Variants in SRFBP1 observed in about 807,000 individuals in gnomAD.
SRFBP1 encodes the protein serum response factor-binding protein 1.
SRFBP1 carries 47 observed loss-of-function variants against 45.5 expected under a neutral mutation model. The ratio of observed to expected loss-of-function variants is 1.03; its 90% CI spans 0.82 to 1.32. The LOEUF is 1.32. Ranked by LOEUF, SRFBP1 falls within the 40% of genes most tolerant of loss-of-function variation. The pLI is 0.00. For synonymous variants in SRFBP1, 203 were observed against 166.3 expected (o/e 1.22, Z -1.70); for missense variants, 621 against 484.6 (o/e 1.28, Z -2.64).
At position 122,020,545 on chromosome 5, in the gene SRFBP1, C is replaced by T; in HGVS notation, c.810C>T (p.Tyr270=). ...ATGATAGCACAGAAGAAAGGTTTTA[C>T]AAGCAGTCTTCCATGTCTGAAGATA... ...YFDDSTEERF[Y]KQSSMSEDSD... The change falls in exon 6 of 8, where the codon TAC becomes TAT. Residue 270 remains tyrosine, a synonymous_variant. Coordinates refer to ENST00000339397, the MANE Select transcript of SRFBP1 (RefSeq NM_152546.3). The T allele has an allele frequency of 1.2e-6, 2 of 1,614,130 alleles. No individual in the cohort carries two copies.
At chr5:122,018,200 T>C (rs148598942) in intron 4 of SRFBP1, among the ~76,000 whole-genome samples, 1 of 152,284 alleles carries the variant, frequency 6.6e-6, no homozygotes, top group African/African-American at 2.4e-5. Flanking sequence ...AGAACAGATA[T>C]GGAAATAGCA....
At chr5:121,995,672 C>G (rs1752708959) in intron 4 of SRFBP1, among the ~76,000 whole-genome samples, 1 of 152,042 alleles carries the variant, frequency 6.6e-6, no homozygotes. Context: ...CAGAGCAGAA[C>G]TCAAGGAAAT....
intron 2 of SRFBP1, among the ~76,000 whole-genome samples, chr5:122,033,820 T>G (rs1753630786): frequency 8.8e-6 from 1 of 113,356 alleles, no homozygotes; most frequent in Admixed American, 8.2e-5. Flanking sequence ...TTATTTTCAG[T>G]TTTTTTTTTT....
chr5:121,975,218 T>C (rs1256022324), intron 2 of SRFBP1, 97 bp from the exon 3 acceptor site: 2 of 1,264,124 alleles, frequency 1.6e-6, no homozygotes, highest in Admixed American at 1.8e-5. Context: ...AGAGATTTAT[T>C]ACGCTTTTCT....
At chr5:121,973,025 T>C (rs1454058457) in intron 1 of SRFBP1, among the ~76,000 whole-genome samples, 1 of 151,850 alleles carries the variant, frequency 6.6e-6, no homozygotes, top group Non-Finnish European at 1.5e-5. Flanking sequence ...ACATGAAGGG[T>C]AAGAGAAGAT....
Position 122,047,129 on chromosome 5 carries a change from T to A in SRFBP1, n.311+24722T>A, listed in dbSNP as rs549252913. Among the ~76,000 whole-genome samples the A allele has an allele frequency of 9.2e-5, 14 of 152,372 alleles. No homozygotes were observed. The South Asian group carries it at 2.7e-3, about 29-fold the overall frequency. On this transcript the variant is annotated intron_variant and non_coding_transcript_variant, in intron 2 of 2. Transcript: ENST00000504881. ...GACATGAAGTCCTTGCCCATGCCTA[T>A]GTCCTGAATGGTATTGCCTAGGTTC...
intron 3 of SRFBP1, 39 bp from the exon 4 acceptor site, chr5:121,994,560 G>C: frequency 7.5e-7 from 1 of 1,336,488 alleles, no homozygotes; most frequent in Non-Finnish European, 1.1e-6. Flanking sequence ...GATAAAAATA[G>C]ACACATAACT....
chr5:122,063,235 T>G (rs931280139), intron 2 of SRFBP1: 4 of 151,984 alleles, frequency 2.6e-5, no homozygotes, highest in Non-Finnish European at 5.9e-5. Flanking sequence ...TTATATAATC[T>G]TGCAATCATA....
At chr5:122,001,687 G>T (rs1331753010) in intron 4 of SRFBP1, among the ~76,000 whole-genome samples, 1 of 150,056 alleles carries the variant, frequency 6.7e-6, no homozygotes. Flanking sequence ...TCAGCCTCCC[G>T]AGTAGCTGGG....
intron 7 of SRFBP1, among the ~76,000 whole-genome samples, chr5:122,023,504 T>C (rs1027685898): frequency 2.0e-5 from 3 of 152,102 alleles, no homozygotes; most frequent in African/African-American, 7.2e-5. Context: ...CAATAAAAAC[T>C]CTTGATAGCT....
At chr5:121,983,048 A>G (rs919895286) in intron 3 of SRFBP1, among the ~76,000 whole-genome samples, 5 of 151,734 alleles carry the variant, frequency 3.3e-5, no homozygotes, top group Admixed American at 3.3e-4. Flanking sequence ...AAATATTACA[A>G]CATATTTTGT....
chr5:122,065,550 T>C (rs2152584086), intron 2 of SRFBP1: 1 of 152,174 alleles, frequency 6.6e-6, no homozygotes, highest in East Asian at 1.9e-4. Context: ...ATTTTTCCTT[T>C]GTTCACCAAC....
chr5:122,023,568 C>T (rs1363124506), intron 7 of SRFBP1, among the ~76,000 whole-genome samples: 2 of 152,156 alleles, frequency 1.3e-5, no homozygotes, highest in African/African-American at 4.8e-5. Context: ...TTCTGCTGAG[C>T]AAAGATTATG....
intron 2 of SRFBP1, among the ~76,000 whole-genome samples, chr5:122,041,245 A>G (rs1304973898): frequency 1.3e-5 from 2 of 152,104 alleles, no homozygotes; most frequent in Non-Finnish European, 2.9e-5. Context: ...ATAGAAAGGA[A>G]TGAATCAATC....
intron 2 of SRFBP1, among the ~76,000 whole-genome samples, chr5:122,047,498 T>G (rs1381182748): frequency 6.6e-6 from 1 of 152,228 alleles, no homozygotes; most frequent in Non-Finnish European, 1.5e-5. Context: ...CCAGCTTTGT[T>G]CTTTTGGCTT....
At chr5:122,003,855 G>T (rs1201834609) in intron 4 of SRFBP1, among the ~76,000 whole-genome samples, 1 of 152,160 alleles carries the variant, frequency 6.6e-6, no homozygotes, top group East Asian at 1.9e-4. Flanking sequence ...GTTTGAATGT[G>T]TCCTTTTGGG....
chr5:122,076,531 C>G (rs986243465), downstream of SRFBP1, among the ~76,000 whole-genome samples: 1 of 152,200 alleles, frequency 6.6e-6, no homozygotes, highest in Non-Finnish European at 1.5e-5. Flanking sequence ...GGTATTAACA[C>G]ACCCTTCCAT....
At chr5:121,990,127 T>C (rs1049875707) in intron 3 of SRFBP1, among the ~76,000 whole-genome samples, 2 of 152,188 alleles carry the variant, frequency 1.3e-5, no homozygotes, top group Non-Finnish European at 2.9e-5. Flanking sequence ...ACGTCTGTGT[T>C]CACGGCTGCA....
At chr5:121,979,681 G>A (rs756533347) in intron 3 of SRFBP1, among the ~76,000 whole-genome samples, 28 of 152,126 alleles carry the variant, frequency 1.8e-4, no homozygotes, top group Non-Finnish European at 3.2e-4. Flanking sequence ...AGTCAAAGGG[G>A]ACAGGAGAAG....
Sources: gnomAD v4.1 joint callset for allele counts (sites outside exome capture counted in the v4.1 genomes callset) on GRCh38, gnomAD v4.1.1 for gene constraint, MANE v1.5 for transcripts, NCBI Gene and HGNC (gene_info 2026-07-23, HGNC 2026-07-21) for gene names.